RPTOR: variants seen among roughly 807,000 people sequenced by gnomAD.
The protein encoded by RPTOR is regulatory-associated protein of mTOR.
Under a neutral mutation model 169.9 loss-of-function variants are expected in RPTOR, and 21 were observed. That is an observed-to-expected ratio of 0.12 (90% CI 0.09 to 0.18). The LOEUF is 0.18. RPTOR is among the 10% of genes least tolerant of loss of function. The pLI is 1.00. For missense variants in RPTOR, 1,133 were observed against 1,855.9 expected (o/e 0.61, Z 7.16); for synonymous variants, 732 against 753.2 (o/e 0.97, Z 0.46).
intron 7 of RPTOR, among the ~76,000 whole-genome samples, chr17:80,798,710 A>G (rs552271505): frequency 1.4e-4 from 21 of 152,198 alleles, no homozygotes; most frequent in Non-Finnish European, 2.4e-4. Context: ...GGGGGGGCCA[A>G]GGCACTGCCT....
chr17:80,955,812 G>T (rs2069241341), intron 28 of RPTOR, among the ~76,000 whole-genome samples: 1 of 152,160 alleles, frequency 6.6e-6, no homozygotes, highest in Non-Finnish European at 1.5e-5. Context: ...AGTCATGCAG[G>T]ATACATGACT....
chr17:80,738,530 C>CAGCGAACCT (rs71163995), intron 5 of RPTOR, among the ~76,000 whole-genome samples: 1 of 151,668 alleles, frequency 6.6e-6, no homozygotes, highest in African/African-American at 2.4e-5. Context: ...TTCACAGACA[C>CAGCGAACCT]GTGTCATTAG....
chr17:80,704,479 C>T (rs1178602091), intron 3 of RPTOR, among the ~76,000 whole-genome samples: 1 of 152,162 alleles, frequency 6.6e-6, no homozygotes, highest in Admixed American at 6.5e-5. Flanking sequence ...TGCAGAGAAT[C>T]TCAGATAGCA....
intron 1 of RPTOR, among the ~76,000 whole-genome samples, chr17:80,592,120 T>C (rs1206796446): frequency 6.6e-6 from 1 of 152,214 alleles, no homozygotes; most frequent in Admixed American, 6.5e-5. Context: ...TTTATTTGTC[T>C]CTCTCATTTG....
chr17:80,752,079 C>T lies in RPTOR; in HGVS notation c.655-1931C>T, dbSNP rs1299835750. ...TTTCTGTTTTCATTCCTTTAGCTAT[C>T]TACATGACATGCCCAGGCATCACAT... On this transcript the variant is annotated intron_variant, in intron 5 of 33. Transcript: ENST00000306801. Among the ~76,000 whole-genome samples, 3 of 152,226 alleles carry T rather than the reference C, an allele frequency of 2.0e-5. No individual in the cohort carries two copies. In the East Asian group the frequency reaches 5.8e-4, roughly 29 times the overall value.
At chr17:80,725,249 G>A (rs549959722) in intron 4 of RPTOR, among the ~76,000 whole-genome samples, 1 of 152,292 alleles carries the variant, frequency 6.6e-6, no homozygotes, top group Non-Finnish European at 1.5e-5. Flanking sequence ...CTCAGGCTGC[G>A]GCGACAGACT....
chr17:80,551,893 G>C (rs1356971884), intron 1 of RPTOR, among the ~76,000 whole-genome samples: 1 of 152,196 alleles, frequency 6.6e-6, no homozygotes, highest in African/African-American at 2.4e-5. Context: ...CAGTGTTTGT[G>C]TCCCTGGGTA....
At chr17:80,819,443 G>A (rs892810520) in intron 7 of RPTOR, among the ~76,000 whole-genome samples, 2 of 152,192 alleles carry the variant, frequency 1.3e-5, no homozygotes, top group Non-Finnish European at 2.9e-5. Flanking sequence ...TTAACTGCTT[G>A]TAGCTGCTGC....
intron 1 of RPTOR, 66 bp downstream of exon 1, chr17:80,545,857 G>A (rs914084467): frequency 5.8e-6 from 8 of 1,386,770 alleles, no homozygotes; most frequent in Non-Finnish European, 7.8e-6. Context: ...TTTACAGCCC[G>A]AAAAGTGTCC....
intron 24 of RPTOR, among the ~76,000 whole-genome samples, chr17:80,929,435 A>C (rs1335985068): frequency 6.6e-6 from 1 of 150,462 alleles, no homozygotes; most frequent in Non-Finnish European, 1.5e-5. Context: ...AAGAACAGTT[A>C]TTAGTTTTGC....
At chr17:80,800,792 G>T (rs1348552655) in intron 7 of RPTOR, among the ~76,000 whole-genome samples, 1 of 152,252 alleles carries the variant, frequency 6.6e-6, no homozygotes, top group Non-Finnish European at 1.5e-5. Flanking sequence ...GAACCTGAGA[G>T]ATGTGAACCT....
intron 13 of RPTOR, among the ~76,000 whole-genome samples, chr17:80,865,857 C>G (rs549652027): frequency 2.0e-5 from 3 of 152,188 alleles, no homozygotes; most frequent in African/African-American, 7.2e-5. Flanking sequence ...TGCACAGAGG[C>G]TGTGCCACGA....
intron 2 of RPTOR, among the ~76,000 whole-genome samples, chr17:80,628,369 T>C (rs934710188): frequency 6.6e-6 from 1 of 152,212 alleles, no homozygotes; most frequent in African/African-American, 2.4e-5. Context: ...AGATTTCTGT[T>C]TGGAAAATTC....
intron 20 of RPTOR, among the ~76,000 whole-genome samples, chr17:80,902,926 C>T (rs566414077): frequency 6.6e-5 from 10 of 152,342 alleles, no homozygotes; most frequent in South Asian, 2.1e-4. Flanking sequence ...TAATTCTGCT[C>T]GGGACTCTGG....
At chr17:80,838,452 C>A (rs1428936877) in intron 10 of RPTOR, among the ~76,000 whole-genome samples, 1 of 152,234 alleles carries the variant, frequency 6.6e-6, no homozygotes, top group South Asian at 2.1e-4. Flanking sequence ...CACCCTACGG[C>A]GGAACCTGGG....
intron 24 of RPTOR, among the ~76,000 whole-genome samples, chr17:80,938,199 G>A (rs1267508747): frequency 6.6e-6 from 1 of 152,212 alleles, no homozygotes; most frequent in Non-Finnish European, 1.5e-5. Context: ...TCTGGCATGG[G>A]CCCCCTCTCA....
At chr17:80,643,360 T>A (rs575900994) in intron 2 of RPTOR, among the ~76,000 whole-genome samples, 1 of 152,210 alleles carries the variant, frequency 6.6e-6, no homozygotes, top group South Asian at 2.1e-4. Context: ...AGCCATAGTT[T>A]GAACAGGAGG....
intron 9 of RPTOR, among the ~76,000 whole-genome samples, chr17:80,831,759 A>G (rs538061713): frequency 1.3e-4 from 19 of 147,834 alleles, no homozygotes; most frequent in Admixed American, 4.0e-4. Context: ...GTGTATCACT[A>G]TGTATCCCTG....
intron 16 of RPTOR, among the ~76,000 whole-genome samples, chr17:80,884,486 A>C (rs2068220508): frequency 1.3e-5 from 2 of 152,226 alleles, no homozygotes; most frequent in Non-Finnish European, 1.5e-5. Flanking sequence ...CTGAGGAAGC[A>C]GACTCAGGGA....
Sources: allele counts gnomAD v4.1 joint callset (sites outside exome capture counted in the v4.1 genomes callset), GRCh38; gene constraint gnomAD v4.1.1; transcripts MANE v1.5; gene names NCBI Gene and HGNC (gene_info 2026-07-23, HGNC 2026-07-21).